The following GAS2 variants were observed in gnomAD, a reference collection of about 807,000 sequenced individuals.
GAS2 encodes growth arrest-specific protein 2.
In GAS2, 20 loss-of-function variants were observed where a neutral mutation model predicts 37.5. The observed-to-expected ratio is 0.53, with a 90% CI of 0.37 to 0.77. The LOEUF is 0.77. Among genes scored for constraint, GAS2 ranks in the 30% least tolerant of loss-of-function variants. GAS2 has a pLI of 0.00. For missense variants in GAS2, 336 were observed against 373.4 expected (o/e 0.90, Z 0.82); for synonymous variants, 144 against 132.2 (o/e 1.09, Z -0.61).
At chr11:22,773,553 C>T (rs1028310020) in intron 7 of GAS2, among the ~76,000 whole-genome samples, 1 of 151,796 alleles carries the variant, frequency 6.6e-6, no homozygotes, top group Non-Finnish European at 1.5e-5. Context: ...GCCACCATGC[C>T]CGGCTAATAT....
At chr11:22,802,445 C>T (rs1856706985) in intron 7 of GAS2, among the ~76,000 whole-genome samples, 1 of 139,858 alleles carries the variant, frequency 7.2e-6, no homozygotes, top group Non-Finnish European at 1.6e-5. Context: ...TACCCTAGAA[C>T]TTAAAGTATT....
intron 1 of GAS2, among the ~76,000 whole-genome samples, chr11:22,659,362 C>T (rs1456322813): frequency 6.6e-6 from 1 of 152,178 alleles, no homozygotes. Flanking sequence ...CTTTAAGAGG[C>T]ACTTTCAGTC....
At chr11:22,674,370 G>T (rs1480770206) in intron 1 of GAS2, among the ~76,000 whole-genome samples, 1 of 152,002 alleles carries the variant, frequency 6.6e-6, no homozygotes, top group Non-Finnish European at 1.5e-5. Context: ...GAAGTACTTT[G>T]CTTAACCTTT....
intron 5 of GAS2, among the ~76,000 whole-genome samples, chr11:22,739,435 G>A (rs1452402560): frequency 2.6e-5 from 4 of 151,784 alleles, no homozygotes; most frequent in East Asian, 3.9e-4. Context: ...TTAGCCGGGT[G>A]TGGTGGTGGG....
chr11:22,681,270 T>A (rs1366563853), intron 2 of GAS2, among the ~76,000 whole-genome samples: 2 of 151,448 alleles, frequency 1.3e-5, no homozygotes, highest in Non-Finnish European at 2.9e-5. Context: ...TGTGTATGCA[T>A]GTTGATTATA....
At chr11:22,707,767 T>C (rs768865911) in intron 3 of GAS2, among the ~76,000 whole-genome samples, 10 of 152,192 alleles carry the variant, frequency 6.6e-5, no homozygotes, top group Non-Finnish European at 1.3e-4. Flanking sequence ...GGATCATATA[T>C]GGAGAGAACG....
At chr11:22,733,414 C>T (rs531599395) in intron 4 of GAS2, among the ~76,000 whole-genome samples, 5 of 151,756 alleles carry the variant, frequency 3.3e-5, no homozygotes, top group East Asian at 1.9e-4. Flanking sequence ...CTATTTTCTT[C>T]GACATTACCA....
chr11:22,630,466 A>C (rs1565058115), intron 1 of GAS2, among the ~76,000 whole-genome samples: 1 of 152,216 alleles, frequency 6.6e-6, no homozygotes, highest in Non-Finnish European at 1.5e-5. Flanking sequence ...TACTTAAACT[A>C]AGGAGCTTCT....
Position 22,749,136 on chromosome 11 carries a change from C to T in GAS2, c.490C>T (p.Pro164Ser), listed in dbSNP as rs1590086208. ...RIAARYGVEP[P>S]GLIKLEKEIE... ...TTTTTAAAGGTATGGTGTGGAGCCT[C>T]CTGGTTTGATAAAGCTGGAAAAAGA... Residue 164 changes from proline to serine, a missense_variant, in exon 6 of 8, where the codon CCT becomes TCT. Physicochemically the swap from Pro to Ser is moderately conservative, Grantham distance 74. Transcript: ENST00000454584. The T allele has an allele frequency of 6.2e-7, 1 of 1,612,168 alleles. No individual in the cohort carries two copies. The highest frequency in any genetic ancestry group is 1.1e-5 in the South Asian group (1 of 90,980).
intron 3 of GAS2, among the ~76,000 whole-genome samples, chr11:22,691,790 T>C (rs1850257335): frequency 6.6e-6 from 1 of 152,180 alleles, no homozygotes. Flanking sequence ...AGGTAAAATA[T>C]ATTTAAGCTT....
At chr11:22,669,024 A>G (rs1397919354) in intron 1 of GAS2, among the ~76,000 whole-genome samples, 1 of 152,194 alleles carries the variant, frequency 6.6e-6, no homozygotes, top group Non-Finnish European at 1.5e-5. Context: ...AAGTTTCTGT[A>G]TTAAATGTTT....
At chr11:22,706,100 G>A (rs1294059755) in intron 3 of GAS2, among the ~76,000 whole-genome samples, 1 of 152,108 alleles carries the variant, frequency 6.6e-6, no homozygotes, top group African/African-American at 2.4e-5. Context: ...GTTGGATGCT[G>A]GCATTTATCT....
chr11:22,702,705 A>G (rs1459171795), intron 3 of GAS2: 2 of 152,138 alleles, frequency 1.3e-5, no homozygotes, highest in Non-Finnish European at 2.9e-5. Context: ...CCATTTCCCC[A>G]ATCTTAATGT....
chr11:22,744,470 C>T (rs1410496239), intron 5 of GAS2, among the ~76,000 whole-genome samples: 1 of 152,084 alleles, frequency 6.6e-6, no homozygotes, highest in Non-Finnish European at 1.5e-5. Flanking sequence ...AGGTTTTATT[C>T]CTAGAATACA....
Position 22,700,899 on chromosome 11 carries a change from T to C in GAS2, c.267+15110T>C, listed in dbSNP as rs534732486. Among the ~76,000 whole-genome samples, 9 of 152,338 alleles carry C rather than the reference T, an allele frequency of 5.9e-5. No individual in the cohort carries two copies. The East Asian group carries it at 1.7e-3, about 29-fold the overall frequency. ...TTGACCTGAAACGAAGTGCTGTGTC[T>C]TTCGATTACTAGAGGAGACATAAAG... On this transcript the variant is annotated intron_variant, in intron 3 of 7. Coordinates refer to ENST00000454584, the MANE Select transcript of GAS2 (RefSeq NM_001143830.3).
At chr11:22,719,797 C>T (rs565247040) in intron 3 of GAS2, among the ~76,000 whole-genome samples, 1 of 152,132 alleles carries the variant, frequency 6.6e-6, no homozygotes, top group East Asian at 1.9e-4. Flanking sequence ...CTTGATAGCT[C>T]TTTATTTTTA....
At chr11:22,734,979 C>T (rs1468743752) in intron 4 of GAS2, among the ~76,000 whole-genome samples, 1 of 151,744 alleles carries the variant, frequency 6.6e-6, no homozygotes, top group Non-Finnish European at 1.5e-5. Flanking sequence ...CTTGCTTTTG[C>T]AATTAAACAT....
In GAS2 at chr11:22,764,650, G is replaced by A. The variant is rs960085445; in HGVS notation, c.723+8697G>A. ...ATAATTAAAAGTAAAGACAAAATCC[G>A]CAAATACTTTTGCACCAACCGAATA... is the stretch of plus-strand genomic sequence containing the variant. On this transcript the variant is annotated intron_variant, in intron 7 of 7. Coordinates refer to ENST00000454584, the MANE Select transcript of GAS2 (RefSeq NM_001143830.3). Among the ~76,000 whole-genome samples, 9 of 151,364 alleles carry A rather than the reference G, an allele frequency of 5.9e-5. 1 individual carries two copies. The highest frequency in any genetic ancestry group is 2.2e-4 in the African/African-American group (9 of 41,244).
At chr11:22,663,021 C>G (rs1848932124), upstream of GAS2, among the ~76,000 whole-genome samples, 1 of 152,102 alleles carries the variant, frequency 6.6e-6, no homozygotes, top group Admixed American at 6.5e-5. Context: ...TTCTGCATGG[C>G]TGGGGAGGCC....
Sources: allele counts gnomAD v4.1 joint callset (sites outside exome capture counted in the v4.1 genomes callset), GRCh38; gene constraint gnomAD v4.1.1; transcripts MANE v1.5; gene names NCBI Gene and HGNC (gene_info 2026-07-23, HGNC 2026-07-21).